Variants in PTP4A1 observed in about 807,000 individuals in gnomAD.
The protein encoded by PTP4A1 is protein tyrosine phosphatase type IVA 1.
Under a neutral mutation model 20.5 loss-of-function variants are expected in PTP4A1, and 9 were observed. The ratio of observed to expected loss-of-function variants is 0.44; its 90% confidence interval spans 0.26 to 0.77. The LOEUF (loss-of-function observed/expected upper bound fraction) is 0.77, where lower values mean the gene tolerates loss of function less well. PTP4A1 is among the 30% of genes least tolerant of loss of function. PTP4A1 has a pLI of 0.19. For missense variants in PTP4A1, 137 were observed against 218.8 expected (o/e 0.63, Z 2.36); for synonymous variants, 78 against 67.4 (o/e 1.16, Z -0.77).
rs1298503801 is a variant in PTP4A1 at position 63,581,187 on chromosome 6, T to C, written c.*1013T>C. 2 of 152,516 alleles carry C rather than the reference T, an allele frequency of 1.3e-5. No homozygotes were observed. The highest frequency in any genetic ancestry group is 2.9e-5 in the Non-Finnish European group (2 of 67,998). 9.4% of individuals were successfully genotyped at this position (152,516 alleles called of 1,614,324 possible). On this transcript the variant is annotated 3_prime_UTR_variant, in exon 6 of 6. Transcript: ENST00000626021. The stretch of plus-strand genomic sequence containing the variant: ...CCTCTCTTGCAAAAAAAGAAATGGG[T>C]TTCTGCTAATGAATTGAGCAGACAT...
chr6:63,520,871 A>G (rs1263308937), upstream of PTP4A1, among the ~76,000 whole-genome samples: 2 of 152,144 alleles, frequency 1.3e-5, no homozygotes, highest in Non-Finnish European at 2.9e-5. Context: ...ATGAACAATC[A>G]GTTTATATAC....
chr6:63,527,427 A>G (rs1289149672), intron 1 of PTP4A1, among the ~76,000 whole-genome samples: 2 of 152,170 alleles, frequency 1.3e-5, no homozygotes, highest in Non-Finnish European at 2.9e-5. Context: ...ATAGTCATCT[A>G]CTATTTGATG....
intron 1 of PTP4A1, among the ~76,000 whole-genome samples, chr6:63,574,328 T>C (rs1777706438): frequency 6.6e-6 from 1 of 152,054 alleles, no homozygotes; most frequent in Admixed American, 6.6e-5. Context: ...TCTCCCTTCT[T>C]GTATATGATT....
At chr6:63,576,016 CAT>C (rs543625657) in intron 1 of PTP4A1, among the ~76,000 whole-genome samples, 51 of 151,326 alleles carry the variant, frequency 3.4e-4, no homozygotes, top group Admixed American at 2.6e-3. Context: ...GAAAAATCAA[CAT>C]AAAGTGTATG....
upstream of PTP4A1, chr6:63,571,738 C>A (rs1777437051): frequency 1.3e-5 from 2 of 152,118 alleles, no homozygotes; most frequent in South Asian, 4.1e-4. Context: ...TGCACGCGTA[C>A]GTAGTATAGA....
intron 3 of PTP4A1, among the ~76,000 whole-genome samples, chr6:63,551,858 C>A (rs1297970296): frequency 6.6e-6 from 1 of 152,152 alleles, no homozygotes; most frequent in African/African-American, 2.4e-5. Context: ...CACGTCCCTA[C>A]AAAGGACATG....
In PTP4A1 at chr6:63,580,753, T is replaced by C. The variant is rs2149518736; in HGVS notation, c.*579T>C. On this transcript the variant is annotated 3_prime_UTR_variant, in exon 6 of 6. Transcript: ENST00000626021. ...ATTTTTTTTTTTTTTTACCAAGTCT[T>C]ACAGTGATTATTTTACGTGTTTCCA... 6.6e-6 allele frequency: 1 copy of C among 152,580 alleles called. No individual in the cohort carries two copies. The highest frequency in any genetic ancestry group is 2.1e-4 in the South Asian group (1 of 4,820). The allele number at this position is 152,580 out of a possible 1,614,324, so 9.5% of individuals were successfully genotyped here. A position where few individuals can be genotyped will look rare whatever the true frequency, so the allele number is the denominator to read the frequency against.
chr6:63,541,698 C>CAAGT lies in PTP4A1; in HGVS notation c.-639-8599_-639-8598insTAAG, dbSNP rs371269014. Among the ~76,000 whole-genome samples the CAAGT allele has an allele frequency of 2.8e-3, 429 of 152,242 alleles. 2 individuals carry two copies. The highest frequency in any genetic ancestry group is 0.01 in the African/African-American group (416 of 41,552). ...AAGCAATTAGAAGCAATCAGAAGGGCAAGCCCCTACTGTCTCCATCCAACT... is the reference window on the plus strand; with the variant it reads ...AAGCAATTAGAAGCAATCAGAAGGGCAAGTAAGCCCCTACTGTCTCCATCCAACT... On this transcript the variant is annotated intron_variant, in intron 2 of 3. Transcript: ENST00000639568.
chr6:63,524,697 C>G (rs1775084903), intron 1 of PTP4A1, among the ~76,000 whole-genome samples: 1 of 152,008 alleles, frequency 6.6e-6, no homozygotes, highest in Non-Finnish European at 1.5e-5. Context: ...AGTGTTATTT[C>G]TTTTCTTTTC....
At position 63,566,032 on chromosome 6, in the gene PTP4A1, T is replaced by C. The variant is rs939714135; in HGVS notation, c.-445-10404T>C. Reference sequence around the variant, plus strand: ...AAGGAAGCCACATGCATTTTTTGGTTTCCCATTTACACTACATTGTTGTCT... The same window carrying C: ...AAGGAAGCCACATGCATTTTTTGGTCTCCCATTTACACTACATTGTTGTCT... On this transcript the variant is annotated intron_variant, in intron 3 of 3. Transcript: ENST00000639568. 2.6e-5 allele frequency among the ~76,000 whole-genome samples: 4 copies of C among 152,218 alleles called. No homozygotes were observed. The East Asian group carries it at 7.7e-4, about 29-fold the overall frequency.
At chr6:63,574,056 A>T (rs573454783) in intron 1 of PTP4A1, among the ~76,000 whole-genome samples, 1 of 152,174 alleles carries the variant, frequency 6.6e-6, no homozygotes, top group South Asian at 2.1e-4. Context: ...TTACACTACG[A>T]TTGGAACTGT....
chr6:63,572,512 G>C lies in PTP4A1; in HGVS notation c.-653G>C, dbSNP rs933730330. On this transcript the variant is annotated 5_prime_UTR_variant, in exon 1 of 6. Transcript: ENST00000626021. ...CGCGTGTATTGGCTCCTTCGGCTGCGGGCCGGCTCGGCTACGCGCTCTGCT... is the reference window on the plus strand; with the variant it reads ...CGCGTGTATTGGCTCCTTCGGCTGCCGGCCGGCTCGGCTACGCGCTCTGCT... The C allele has an allele frequency of 2.6e-6, 1 of 391,278 alleles. No individual in the cohort carries two copies. The highest frequency in any genetic ancestry group is 4.5e-5 in the Admixed American group (1 of 22,408). The allele number at this position is 391,278 out of a possible 1,614,324, so 24.2% of individuals were successfully genotyped here. A position where few individuals can be genotyped will look rare whatever the true frequency, so the allele number is the denominator to read the frequency against.
the PTP4A1 span, among the ~76,000 whole-genome samples, chr6:63,516,681 T>C: frequency 1.3e-5 from 2 of 152,058 alleles, no homozygotes; most frequent in Non-Finnish European, 2.9e-5. Context: ...CACAGGTGAG[T>C]GGAAAAAAAT....
At chr6:63,558,107 T>A (rs1430216175) in intron 3 of PTP4A1, among the ~76,000 whole-genome samples, 1 of 152,074 alleles carries the variant, frequency 6.6e-6, no homozygotes, top group Non-Finnish European at 1.5e-5. Flanking sequence ...CCTGACCTTG[T>A]GATCCACCCA....
At chr6:63,550,280 G>C (rs1776379919) in intron 2 of PTP4A1, 1 of 152,176 alleles carries the variant, frequency 6.6e-6, no homozygotes, top group Non-Finnish European at 1.5e-5. Context: ...TGATTAATCA[G>C]AGATAATGTA....
At chr6:63,516,904 A>G (rs1209532747), upstream of PTP4A1, among the ~76,000 whole-genome samples, 1 of 152,178 alleles carries the variant, frequency 6.6e-6, no homozygotes, top group East Asian at 1.9e-4. Context: ...GAGGTATTAG[A>G]CAGAAAGAGA....
chr6:63,553,325 G>A (rs192628956), intron 3 of PTP4A1, among the ~76,000 whole-genome samples: 3 of 152,284 alleles, frequency 2.0e-5, no homozygotes, highest in East Asian at 1.9e-4. Context: ...TGCTGTTAGC[G>A]ACTCGGGTTC....
intron 2 of PTP4A1, among the ~76,000 whole-genome samples, chr6:63,539,873 T>C (rs1775882246): frequency 6.6e-6 from 1 of 152,148 alleles, no homozygotes; most frequent in South Asian, 2.1e-4. Flanking sequence ...ATCAGAGGTA[T>C]ACACATTTTT....
Position 63,559,635 on chromosome 6 carries a change from C to T in PTP4A1, c.-446+9142C>T, listed in dbSNP as rs147410713. On this transcript the variant is annotated intron_variant, in intron 3 of 3. Coordinates refer to the PTP4A1 transcript ENST00000639568. ...TGGTGTATGCCTGTAATCCCAGCTACTCAGGAGGCTGAGGCAGGAGAATCA... is the reference window on the plus strand; with the variant it reads ...TGGTGTATGCCTGTAATCCCAGCTATTCAGGAGGCTGAGGCAGGAGAATCA... Among the ~76,000 whole-genome samples the T allele has an allele frequency of 3.6e-3, 548 of 152,090 alleles. 5 individuals are homozygous for T. Among genetic ancestry groups the T allele is most frequent in the African/African-American group, 0.013 (521 of 41,458 alleles).
Sources: gnomAD v4.1 joint callset for allele counts (sites outside exome capture counted in the v4.1 genomes callset) on GRCh38, gnomAD v4.1.1 for gene constraint, MANE v1.5 for transcripts, NCBI Gene and HGNC (gene_info 2026-07-23, HGNC 2026-07-21) for gene names.